Variants in GPHN observed in about 807,000 individuals in gnomAD.
GPHN encodes the protein gephyrin.
Under a neutral mutation model 95.5 loss-of-function variants are expected in GPHN, and 17 were observed. The ratio of observed to expected loss-of-function variants is 0.18; its 90% confidence interval spans 0.12 to 0.27. GPHN has a LOEUF of 0.27. GPHN is among the 10% of genes least tolerant of loss of function. The pLI is 1.00. For synonymous variants in GPHN, 320 were observed against 322.5 expected (o/e 0.99, Z 0.08); for missense variants, 660 against 978.1 (o/e 0.67, Z 4.34).
intron 13 of GPHN, among the ~76,000 whole-genome samples, chr14:67,108,002 G>A (rs1013307485): frequency 3.9e-5 from 6 of 152,138 alleles, no homozygotes; most frequent in Non-Finnish European, 8.8e-5. Context: ...TCTAAGCCTT[G>A]CCATAACAGA....
the GPHN span, among the ~76,000 whole-genome samples, chr14:67,318,456 A>G: frequency 2.0e-5 from 3 of 152,304 alleles, no homozygotes; most frequent in East Asian, 5.8e-4. Context: ...ACTGAAGTTA[A>G]CTAGTCCAGC....
intron 14 of GPHN, 128 bp downstream of exon 14, chr14:67,110,387 TGGTG>T: frequency 1.1e-6 from 1 of 904,778 alleles, no homozygotes; most frequent in Admixed American, 1.8e-5. Context: ...TTTTTGCTTA[TGGTG>T]GGATCTTATA....
At chr14:66,980,650 A>G (rs1285906589) in intron 9 of GPHN, among the ~76,000 whole-genome samples, 2 of 152,122 alleles carry the variant, frequency 1.3e-5, no homozygotes, top group African/African-American at 4.8e-5. Flanking sequence ...ACTGTCTTGG[A>G]ATTAAAACTA....
the GPHN span, among the ~76,000 whole-genome samples, chr14:67,724,147 A>T: frequency 6.6e-6 from 1 of 152,222 alleles, no homozygotes; most frequent in Non-Finnish European, 1.5e-5. Flanking sequence ...TTTCCTCTGG[A>T]ACCTCTAGAG....
At chr14:66,536,355 T>C (rs1287152168) in intron 1 of GPHN, among the ~76,000 whole-genome samples, 1 of 152,194 alleles carries the variant, frequency 6.6e-6, no homozygotes, top group Non-Finnish European at 1.5e-5. Flanking sequence ...TGTGGTGAAT[T>C]ACATTGATTG....
chr14:67,081,802 A>G (rs1355142877), intron 11 of GPHN, among the ~76,000 whole-genome samples: 3 of 152,204 alleles, frequency 2.0e-5, no homozygotes, highest in Admixed American at 1.3e-4. Context: ...ATCCAGTTTC[A>G]TTCTTCTACA....
chr14:66,991,674 T>G (rs185490373), intron 9 of GPHN, among the ~76,000 whole-genome samples: 1 of 149,862 alleles, frequency 6.7e-6, no homozygotes, highest in East Asian at 2.0e-4. Context: ...TGCGGGCTGA[T>G]CACTTGAGAC....
At chr14:67,226,754 A>G in the GPHN span, among the ~76,000 whole-genome samples, 5 of 152,158 alleles carry the variant, frequency 3.3e-5, no homozygotes, top group Non-Finnish European at 7.3e-5. Context: ...AAAACAACAA[A>G]TGTCCACACT....
At chr14:67,572,655 C>T in the GPHN span, among the ~76,000 whole-genome samples, 1 of 152,188 alleles carries the variant, frequency 6.6e-6, no homozygotes, top group African/African-American at 2.4e-5. Flanking sequence ...GGCATTGTCT[C>T]ATTTGTCCTC....
In GPHN at chr14:66,913,364, G is replaced by A. The variant is rs572605710; in HGVS notation, c.390-2639G>A. The stretch of plus-strand genomic sequence containing the variant: ...TTGTTTTGTTTTGTTTTTTTGAGAC[G>A]AAGTCTTACTACTGTCACCCAGGCT... On this transcript the variant is annotated intron_variant, in intron 5 of 22. Coordinates refer to ENST00000478722, the MANE Select transcript of GPHN (RefSeq NM_020806.5). 5.3e-5 allele frequency among the ~76,000 whole-genome samples: 8 copies of A among 151,806 alleles called. No individual in the cohort carries two copies. In the East Asian group the frequency reaches 5.8e-4, roughly 11 times the overall value.
intron 18 of GPHN, among the ~76,000 whole-genome samples, chr14:67,157,880 C>A: frequency 6.7e-6 from 1 of 149,462 alleles, no homozygotes; most frequent in Non-Finnish European, 1.5e-5. Flanking sequence ...GGGGGTGGGG[C>A]AGGGGAGAAG....
chr14:67,232,976 T>G, the GPHN span, among the ~76,000 whole-genome samples: 29 of 152,284 alleles, frequency 1.9e-4, no homozygotes, highest in South Asian at 6.0e-3. Flanking sequence ...ACCATTTATA[T>G]TTCCAAATAT....
the GPHN span, among the ~76,000 whole-genome samples, chr14:67,269,543 G>C: frequency 5.3e-5 from 8 of 151,970 alleles, no homozygotes; most frequent in Non-Finnish European, 1.0e-4. Context: ...TAGATACAGG[G>C]GTCATGGTGC....
the GPHN span, among the ~76,000 whole-genome samples, chr14:67,511,924 ATGTG>A: frequency 6.6e-6 from 1 of 152,204 alleles, no homozygotes; most frequent in Non-Finnish European, 1.5e-5. Flanking sequence ...CTATCTGTGG[ATGTG>A]TGTGTCGGGG....
the GPHN span, chr14:67,581,071 A>C: frequency 9.4e-6 from 13 of 1,382,600 alleles, no homozygotes; most frequent in Non-Finnish European, 1.2e-5. Flanking sequence ...GGGGCCAAAC[A>C]CAAGGGCTGC....
At chr14:66,659,159 A>AGC (rs2065483292) in intron 1 of GPHN, among the ~76,000 whole-genome samples, 1 of 150,334 alleles carries the variant, frequency 6.7e-6, no homozygotes, top group Non-Finnish European at 1.5e-5. Flanking sequence ...CAGTTTACAG[A>AGC]GTGTGTGTGT....
chr14:66,789,330 TTTC>T (rs1293491310), intron 3 of GPHN, among the ~76,000 whole-genome samples: 1 of 152,240 alleles, frequency 6.6e-6, no homozygotes, highest in Non-Finnish European at 1.5e-5. Context: ...TGTAAAACTG[TTTC>T]TTCAGTAGTC....
intron 1 of GPHN, among the ~76,000 whole-genome samples, chr14:66,649,592 T>C (rs1252603948): frequency 6.6e-6 from 1 of 152,132 alleles, no homozygotes; most frequent in African/African-American, 2.4e-5. Flanking sequence ...GAGATCTAGG[T>C]TGTGCACTCC....
At chr14:67,340,480 T>C in the GPHN span, 2 of 1,613,758 alleles carry the variant, frequency 1.2e-6, no homozygotes, top group Non-Finnish European at 8.5e-7. Flanking sequence ...AGCTCTGTGA[T>C]GATATAAGCA....
Sources: gnomAD v4.1 joint callset for allele counts (sites outside exome capture counted in the v4.1 genomes callset) on GRCh38, gnomAD v4.1.1 for gene constraint, MANE v1.5 for transcripts, NCBI Gene and HGNC (gene_info 2026-07-23, HGNC 2026-07-21) for gene names.